UNC13A: variants seen among roughly 807,000 people sequenced by gnomAD.
UNC13A encodes protein unc-13 homolog A.
Under a neutral mutation model 219.7 loss-of-function variants are expected in UNC13A, and 61 were observed. The ratio of observed to expected loss-of-function variants is 0.28; its 90% CI spans 0.23 to 0.34. UNC13A has a LOEUF of 0.34. Among genes scored for constraint, UNC13A ranks in the 10% least tolerant of loss-of-function variants. The probability of loss-of-function intolerance (pLI) is 1.00; values close to 1 mark genes in which losing one functional copy is unlikely to be tolerated. For missense variants in UNC13A, 1,476 were observed against 2,270.3 expected (o/e 0.65, Z 7.11); for synonymous variants, 920 against 884.6 (o/e 1.04, Z -0.71).
At chr19:17,648,029 C>A (rs1278183444) in intron 16 of UNC13A, among the ~76,000 whole-genome samples, 2 of 144,664 alleles carry the variant, frequency 1.4e-5, no homozygotes, top group Non-Finnish European at 3.0e-5. Flanking sequence ...CAATCCCCCC[C>A]TCCACAGTCC....
At chr19:17,625,079 T>G in intron 34 of UNC13A, 127 bp from the exon 35 acceptor site, 1 of 1,412,130 alleles carries the variant, frequency 7.1e-7, no homozygotes, top group Non-Finnish European at 9.4e-7. Context: ...CAGGGACCCC[T>G]GGGTGGTTTG....
chr19:17,607,235 T>C (rs2076541445), intron 43 of UNC13A, among the ~76,000 whole-genome samples: 1 of 152,116 alleles, frequency 6.6e-6, no homozygotes, highest in African/African-American at 2.4e-5. Flanking sequence ...TGATTTACCC[T>C]TACCCCTGTG....
rs553331227 is a variant in UNC13A at position 17,686,505 on chromosome 19, G to A, written c.22+1673C>T. Among the ~76,000 whole-genome samples, 7 of 151,964 alleles carry A rather than the reference G, an allele frequency of 4.6e-5. No individual in the cohort carries two copies. In the South Asian group the frequency reaches 1.5e-3, roughly 32 times the overall value. On this transcript the variant is annotated intron_variant, in intron 1 of 43. Coordinates refer to ENST00000519716, the MANE Select transcript of UNC13A (RefSeq NM_001080421.3). ...GGGGGAGAGGTCAGTAGGGGGTCTG[G>A]ACATTCAAGTTCTCCTCCCATTCCG... is the stretch of plus-strand genomic sequence containing the variant.
chr19:17,616,516 G>C (rs938016447), intron 41 of UNC13A: 3 of 662,276 alleles, frequency 4.5e-6, no homozygotes, highest in African/African-American at 3.6e-5. Context: ...CATGGGGAGC[G>C]GGGAGAGACG....
chr19:17,645,159 C>G (rs1599370663), intron 19 of UNC13A, among the ~76,000 whole-genome samples: 2 of 151,550 alleles, frequency 1.3e-5, no homozygotes, highest in East Asian at 3.9e-4. Context: ...CAGGCACCCA[C>G]CACCACGCCT....
At chr19:17,663,136 A>G (rs2079580778) in intron 8 of UNC13A, among the ~76,000 whole-genome samples, 1 of 151,700 alleles carries the variant, frequency 6.6e-6, no homozygotes, top group Admixed American at 6.6e-5. Context: ...GTGACACTGG[A>G]CACATTTCCA....
intron 41 of UNC13A, among the ~76,000 whole-genome samples, chr19:17,612,934 C>A (rs1233493010): frequency 1.3e-5 from 2 of 152,112 alleles, no homozygotes; most frequent in Non-Finnish European, 2.9e-5. Flanking sequence ...GCAGTGGTGG[C>A]TCATGCCTGT....
At position 17,608,365 on chromosome 19, in the gene UNC13A, A is replaced by AT. The variant is rs957921450; in HGVS notation, c.4811+1574dup. 1.3e-3 allele frequency among the ~76,000 whole-genome samples: 156 copies of AT among 117,790 alleles called. 1 individual carries two copies. The highest frequency in any genetic ancestry group is 5.3e-3 in the East Asian group (26 of 4,928). 77.3% of individuals were successfully genotyped at this position (117,790 alleles called of 152,430 possible). ...ATAATTTTATATATAATATAAATAT[A>AT]TATTATATATGTATATAAATATATA... is the stretch of plus-strand genomic sequence containing the variant. On this transcript the variant is annotated intron_variant, in intron 43 of 43. Transcript: ENST00000519716.
intron 31 of UNC13A, chr19:17,628,199 G>C: frequency 1.9e-6 from 1 of 534,122 alleles, no homozygotes. Flanking sequence ...GGGGGTCCAT[G>C]AGAGGGGCTG....
chr19:17,676,235 G>A, intron 1 of UNC13A, 194 bp from the exon 2 acceptor site: 1 of 703,680 alleles, frequency 1.4e-6, no homozygotes, highest in Non-Finnish European at 2.6e-6. Context: ...CAGAGACAGA[G>A]ACAAGGGGAG....
Position 17,686,298 on chromosome 19 carries a change from G to GCCCCCCCCCC in UNC13A, c.22+1870_22+1879dup, listed in dbSNP as rs533722538. On this transcript the variant is annotated intron_variant, in intron 1 of 43. Transcript: ENST00000519716. ...CGTCAGAGTTAAGGGTGAGATCCCC[G>GCCCCCCCCCC]CCCCCCCCCCCCCCCCCCCACTCCA... 5.6e-4 allele frequency among the ~76,000 whole-genome samples: 46 copies of GCCCCCCCCCC among 81,864 alleles called. 6 individuals are homozygous for GCCCCCCCCCC. Among genetic ancestry groups the GCCCCCCCCCC allele is most frequent in the Non-Finnish European group, 8.0e-4 (30 of 37,432 alleles). 53.7% of individuals were successfully genotyped at this position (81,864 alleles called of 152,430 possible). A position where few individuals can be genotyped will look rare whatever the true frequency, so the allele number is the denominator to read the frequency against.
intron 1 of UNC13A, among the ~76,000 whole-genome samples, chr19:17,686,067 T>C (rs1252890432): frequency 6.7e-6 from 1 of 149,934 alleles, no homozygotes; most frequent in Non-Finnish European, 1.5e-5. Context: ...CCTTTACACC[T>C]GAGGGCCTTA....
chr19:17,655,461 G>A (rs1468792414), intron 10 of UNC13A, 79 bp from the exon 11 acceptor site: 3 of 1,099,680 alleles, frequency 2.7e-6, no homozygotes, highest in Non-Finnish European at 4.0e-6. Context: ...AGCTGTGCAA[G>A]TGATGCATAG....
At chr19:17,639,261 G>A in intron 24 of UNC13A, 44 bp from the exon 25 acceptor site, 1 of 1,611,522 alleles carries the variant, frequency 6.2e-7, no homozygotes, top group Non-Finnish European at 8.5e-7. Flanking sequence ...GCTGTGACAG[G>A]AGGTCCCCAG....
chr19:17,676,294 C>T lies in UNC13A; in HGVS notation c.23-253G>A, dbSNP rs563091979. On this transcript the variant is annotated intron_variant, in intron 1 of 43. Transcript: ENST00000519716. ...CAGGGATGAGAGGGAGAGAGAGAAGCCATCAGACAGATGAGCACAGGCAAC... is the reference window on the plus strand; with the variant it reads ...CAGGGATGAGAGGGAGAGAGAGAAGTCATCAGACAGATGAGCACAGGCAAC... 168 of 620,484 alleles carry T rather than the reference C, an allele frequency of 2.7e-4. No homozygotes were observed. In the African/African-American group the frequency reaches 2.8e-3, roughly 10 times the overall value. 38.4% of individuals were successfully genotyped at this position (620,484 alleles called of 1,614,324 possible).
intron 29 of UNC13A, 100 bp from the exon 30 acceptor site, chr19:17,630,388 T>G: frequency 6.7e-7 from 1 of 1,496,214 alleles, no homozygotes; most frequent in Non-Finnish European, 9.0e-7. Flanking sequence ...AGAGACCAAT[T>G]TCCCCGGGGT....
rs753914123 is a variant in UNC13A at position 17,646,011 on chromosome 19, G to A, written c.2145C>T (p.Ile715=). Residue 715 remains isoleucine (I), a synonymous_variant, in exon 18 of 44, where the codon ATC becomes ATT. Coordinates refer to ENST00000519716, the MANE Select transcript of UNC13A (RefSeq NM_001080421.3). Reference sequence around the variant, plus strand: ...CCCACACCGGGTTGAGGTTCCCATAGATGGTTTTTGTCCGTTTCTTGGTCT... The same window carrying A: ...CCCACACCGGGTTGAGGTTCCCATAAATGGTTTTTGTCCGTTTCTTGGTCT... The part of the protein sequence containing the change: ...VGKTKKRTKT[I]YGNLNPVWEE... 2.5e-6 allele frequency: 4 copies of A among 1,613,434 alleles called. No individual in the cohort carries two copies. The South Asian group carries it at 4.4e-5, about 18-fold the overall frequency.
intron 4 of UNC13A, among the ~76,000 whole-genome samples, chr19:17,669,969 C>T (rs1404219606): frequency 5.7e-5 from 6 of 106,168 alleles, no homozygotes; most frequent in African/African-American, 1.1e-4. Flanking sequence ...TTTTTTGAGA[C>T]AGAGTCTCGC....
At chr19:17,647,586 G>A (rs1268460163) in intron 16 of UNC13A, 94 bp from the exon 17 acceptor site, 1 of 1,228,090 alleles carries the variant, frequency 8.1e-7, no homozygotes, top group African/African-American at 1.5e-5. Context: ...TCAACCGGGG[G>A]GACTCAGGTG....
Sources: allele counts gnomAD v4.1 joint callset (sites outside exome capture counted in the v4.1 genomes callset), GRCh38; gene constraint gnomAD v4.1.1; transcripts MANE v1.5; gene names NCBI Gene and HGNC (gene_info 2026-07-23, HGNC 2026-07-21).